FAM171A1: variants seen among roughly 807,000 people sequenced by gnomAD.
FAM171A1 encodes the protein protein FAM171A1.
A neutral mutation model predicts 74.9 loss-of-function variants in FAM171A1; 23 were observed. The observed-to-expected ratio is 0.31, with a 90% confidence interval of 0.22 to 0.44. The LOEUF is 0.44. Ranked by LOEUF, FAM171A1 falls within the 20% of genes least tolerant of loss-of-function variation. The probability of loss-of-function intolerance (pLI) is 1.00; values close to 1 mark genes in which losing one functional copy is unlikely to be tolerated. For missense variants in FAM171A1, 1,162 were observed against 1,159.2 expected (o/e 1.00, Z -0.03); for synonymous variants, 527 against 505.7 (o/e 1.04, Z -0.57).
At position 15,212,955 on chromosome 10, in the gene FAM171A1, T is replaced by C; in HGVS notation, c.2633A>G (p.Lys878Arg). 2 of 1,614,176 alleles carry C rather than the reference T, an allele frequency of 1.2e-6. No homozygotes were observed. Among genetic ancestry groups the C allele is most frequent in the Non-Finnish European group, 1.7e-6 (2 of 1,180,036 alleles). The stretch of plus-strand genomic sequence containing the variant: ...CGCCATCAGGGGCCTCTCCTCCCGT[T>C]TCTGCCAGGGGCTTTTCTTGTCTTC... ...QGEDKKSPWQKREERPLMAFN... is the reference protein window; with the variant it reads ...QGEDKKSPWQRREERPLMAFN... The change falls in exon 8 of 8, where the codon AAA (lysine) becomes AGA (arginine). Residue 878 changes from lysine to arginine, a missense_variant. Lys to Arg is a conservative substitution (Grantham distance 26, BLOSUM62 2). Transcript: ENST00000378116.
intron 5 of FAM171A1, among the ~76,000 whole-genome samples, chr10:15,236,115 T>A (rs925602951): frequency 3.3e-5 from 5 of 152,164 alleles, no homozygotes; most frequent in Admixed American, 6.5e-5. Flanking sequence ...GGAAGTTCAA[T>A]CCCAAACAAT....
chr10:15,321,442 A>G (rs2131848213), intron 1 of FAM171A1, among the ~76,000 whole-genome samples: 1 of 152,328 alleles, frequency 6.6e-6, no homozygotes, highest in Middle Eastern at 3.4e-3. Flanking sequence ...CAGTGTCAAA[A>G]CACTTCATGT....
At chr10:15,226,954 A>G (rs1834116594) in intron 5 of FAM171A1, among the ~76,000 whole-genome samples, 1 of 152,168 alleles carries the variant, frequency 6.6e-6, no homozygotes, top group South Asian at 2.1e-4. Context: ...AATAAGATAC[A>G]CAGGCAGTGT....
At chr10:15,251,944 C>G (rs1233000275) in intron 4 of FAM171A1, among the ~76,000 whole-genome samples, 2 of 152,136 alleles carry the variant, frequency 1.3e-5, no homozygotes, top group African/African-American at 4.8e-5. Flanking sequence ...AGGAGAGGAG[C>G]TGTATCACCT....
chr10:15,212,186 G>C lies in FAM171A1; in HGVS notation c.*729C>G, dbSNP rs1833898142. The C allele has an allele frequency of 6.6e-6, 1 of 152,612 alleles. No individual in the cohort carries two copies. The highest frequency in any genetic ancestry group is 2.4e-5 in the African/African-American group (1 of 41,422). The allele number at this position is 152,612 out of a possible 1,614,324, so 9.5% of individuals were successfully genotyped here. On this transcript the variant is annotated 3_prime_UTR_variant, in exon 8 of 8. Coordinates refer to ENST00000378116, the MANE Select transcript of FAM171A1 (RefSeq NM_001010924.2). Reference sequence around the variant, plus strand: ...GTCAAAAAGGCACTTGGAGTTAATGGGACCAGGATTGGAGGACTCTTAGCT... The same window carrying C: ...GTCAAAAAGGCACTTGGAGTTAATGCGACCAGGATTGGAGGACTCTTAGCT...
chr10:15,262,960 C>T (rs1834678969), intron 3 of FAM171A1, among the ~76,000 whole-genome samples: 1 of 152,136 alleles, frequency 6.6e-6, no homozygotes, highest in Non-Finnish European at 1.5e-5. Context: ...AAACCAGCCA[C>T]CAGGGCCCTC....
At chr10:15,295,206 A>G (rs1353941573) in intron 1 of FAM171A1, among the ~76,000 whole-genome samples, 1 of 152,070 alleles carries the variant, frequency 6.6e-6, no homozygotes, top group Non-Finnish European at 1.5e-5. Flanking sequence ...CCAAAGTGCT[A>G]GGATTATAGG....
chr10:15,216,719 C>T (rs1219623343), intron 6 of FAM171A1, among the ~76,000 whole-genome samples: 1 of 151,820 alleles, frequency 6.6e-6, no homozygotes, highest in African/African-American at 2.4e-5. Context: ...AGGCATGAGC[C>T]ACTGTGCCCA....
At chr10:15,254,444 A>G (rs1834549668) in intron 4 of FAM171A1, among the ~76,000 whole-genome samples, 1 of 152,250 alleles carries the variant, frequency 6.6e-6, no homozygotes, top group Non-Finnish European at 1.5e-5. Context: ...TGAATTGAAT[A>G]TATTTAGTCC....
At chr10:15,214,898 C>T (rs889477471) in intron 7 of FAM171A1, among the ~76,000 whole-genome samples, 1 of 151,970 alleles carries the variant, frequency 6.6e-6, no homozygotes, top group African/African-American at 2.4e-5. Flanking sequence ...GCAGCTGGCA[C>T]CGCAGGCACA....
intron 1 of FAM171A1, among the ~76,000 whole-genome samples, chr10:15,343,431 C>T (rs951165560): frequency 2.0e-5 from 3 of 152,176 alleles, no homozygotes; most frequent in Non-Finnish European, 4.4e-5. Flanking sequence ...TGTCTGGACC[C>T]TCAGCGCCTA....
chr10:15,296,909 G>T (rs1281870646), intron 1 of FAM171A1, among the ~76,000 whole-genome samples: 1 of 152,192 alleles, frequency 6.6e-6, no homozygotes, highest in East Asian at 1.9e-4. Flanking sequence ...TGATGCTTAT[G>T]TTAAACCTCG....
intron 1 of FAM171A1, among the ~76,000 whole-genome samples, chr10:15,287,856 C>A (rs150560095): frequency 6.6e-6 from 1 of 151,956 alleles, no homozygotes. Context: ...GATTCTGGTG[C>A]GCCCATCACC....
intron 3 of FAM171A1, among the ~76,000 whole-genome samples, chr10:15,263,848 C>CATCCATCT (rs1169085909): frequency 2.0e-4 from 29 of 143,872 alleles, no homozygotes; most frequent in South Asian, 7.1e-4. Flanking sequence ...ACATTTATCT[C>CATCCATCT]ATCTATCTAT....
intron 3 of FAM171A1, among the ~76,000 whole-genome samples, chr10:15,256,564 C>T (rs1375271260): frequency 3.3e-5 from 5 of 152,250 alleles, no homozygotes; most frequent in Non-Finnish European, 5.9e-5. Context: ...ACTAAACAGA[C>T]ACAGACATTA....
chr10:15,219,801 T>C (rs763145074), intron 6 of FAM171A1, among the ~76,000 whole-genome samples: 2 of 152,206 alleles, frequency 1.3e-5, no homozygotes, highest in Admixed American at 6.5e-5. Context: ...AGGATGGTCT[T>C]GATCTCCTGA....
intron 1 of FAM171A1, among the ~76,000 whole-genome samples, chr10:15,352,258 A>C (rs957597671): frequency 7.2e-5 from 11 of 152,010 alleles, no homozygotes; most frequent in Non-Finnish European, 1.2e-4. Context: ...ATACTAATTA[A>C]ATTAAAATAA....
upstream of FAM171A1, among the ~76,000 whole-genome samples, chr10:15,372,291 G>C (rs971611617): frequency 1.3e-5 from 2 of 152,110 alleles, no homozygotes; most frequent in African/African-American, 4.8e-5. Flanking sequence ...TGAGAAAAGA[G>C]GCTAAAGAGG....
chr10:15,266,669 C>T (rs993346522), intron 3 of FAM171A1, among the ~76,000 whole-genome samples: 1 of 151,918 alleles, frequency 6.6e-6, no homozygotes, highest in African/African-American at 2.4e-5. Context: ...AGTTCGAGAC[C>T]AGCTTGGGCA....
Sources: gnomAD v4.1 joint callset for allele counts (sites outside exome capture counted in the v4.1 genomes callset) on GRCh38, gnomAD v4.1.1 for gene constraint, MANE v1.5 for transcripts, NCBI Gene and HGNC (gene_info 2026-07-23, HGNC 2026-07-21) for gene names.